SLC7A2: variants seen among roughly 807,000 people sequenced by gnomAD.
SLC7A2 encodes solute carrier family 7 member 2.
In SLC7A2, 48 loss-of-function variants were observed where a neutral mutation model predicts 58.9. That is an observed-to-expected ratio of 0.82 (90% CI 0.65 to 1.04). The LOEUF (loss-of-function observed/expected upper bound fraction) is 1.04, where lower values mean the gene tolerates loss of function less well. Ranked by LOEUF, SLC7A2 falls within the 50% of genes least tolerant of loss-of-function variation. SLC7A2 has a pLI of 0.00. For synonymous variants in SLC7A2, 363 were observed against 314.5 expected (o/e 1.15, Z -1.63); for missense variants, 1,029 against 818.8 (o/e 1.26, Z -3.13).
chr8:17,494,118 T>A (rs946776741), upstream of SLC7A2, among the ~76,000 whole-genome samples: 15 of 152,250 alleles, frequency 9.9e-5, no homozygotes, highest in Non-Finnish European at 1.9e-4. Context: ...GATTTTAGCT[T>A]GTCTTCGCTA....
At chr8:17,546,997 A>T (rs776752118) in intron 4 of SLC7A2, among the ~76,000 whole-genome samples, 1 of 152,122 alleles carries the variant, frequency 6.6e-6, no homozygotes, top group Non-Finnish European at 1.5e-5. Context: ...AAAAGGGAAA[A>T]TTTATTTTTC....
chr8:17,554,457 T>G, intron 7 of SLC7A2, 103 bp from the exon 8 acceptor site: 1 of 929,678 alleles, frequency 1.1e-6, no homozygotes, highest in Non-Finnish European at 1.5e-6. Flanking sequence ...GACTTCATAA[T>G]TACAACTGTC....
At chr8:17,550,464 A>C in intron 6 of SLC7A2, 30 bp downstream of exon 6, 1 of 1,604,842 alleles carries the variant, frequency 6.2e-7, no homozygotes, top group Non-Finnish European at 8.5e-7. Context: ...TCAGTGTAGA[A>C]GGAGTGTTCC....
rs1470163872 is a variant in SLC7A2, at chr8:17,538,514, T to A, written c.-22-4804T>A. Among the ~76,000 whole-genome samples, 12 of 152,356 alleles carry A rather than the reference T, an allele frequency of 7.9e-5. No homozygotes were observed. The East Asian group carries it at 2.3e-3, about 29-fold the overall frequency. ...GATAGTCTTTTATCCTACATTATACTTTTGATGAATTTGTAAAGAAATTAA... is the reference window on the plus strand; with the variant it reads ...GATAGTCTTTTATCCTACATTATACATTTGATGAATTTGTAAAGAAATTAA... On this transcript the variant is annotated intron_variant, in intron 2 of 12. Coordinates refer to ENST00000494857, the MANE Select transcript of SLC7A2 (RefSeq NM_001370338.1).
chr8:17,512,980 A>G (rs1800665539), intron 2 of SLC7A2, among the ~76,000 whole-genome samples: 1 of 152,172 alleles, frequency 6.6e-6, no homozygotes, highest in South Asian at 2.1e-4. Flanking sequence ...CGTCTATTTT[A>G]AGGCTGAATA....
chr8:17,551,932 G>A lies in SLC7A2; in HGVS notation c.1001G>A (p.Trp334Ter), dbSNP rs747229582. Residue 334 changes from tryptophan to a stop codon, truncating the protein, a stop_gained, in exon 7 of 13, where the codon TGG becomes TAG. Coordinates refer to ENST00000494857, the MANE Select transcript of SLC7A2 (RefSeq NM_001370338.1). LOFTEE classifies it high-confidence loss of function. Reference sequence around the variant, plus strand: ...CCTGTAGCGTTTGAATATGTGGGATGGGGTCCTGCCAAATATGTCGTCGCA... The same window carrying A: ...CCTGTAGCGTTTGAATATGTGGGATAGGGTCCTGCCAAATATGTCGTCGCA... The part of the protein sequence containing the change: ...PLPVAFEYVG[W>*]GPAKYVVAAG... The A allele has an allele frequency of 1.9e-6, 3 of 1,613,978 alleles. No homozygotes were observed. The Admixed American group carries it at 5.0e-5, about 27-fold the overall frequency.
At chr8:17,563,759 T>G in intron 12 of SLC7A2, 48 bp downstream of exon 12, 1 of 1,142,822 alleles carries the variant, frequency 8.8e-7, no homozygotes, top group Non-Finnish European at 1.3e-6. Flanking sequence ...TGTGCTGTGA[T>G]GAGAGAAACA....
intron 2 of SLC7A2, among the ~76,000 whole-genome samples, chr8:17,532,920 C>G (rs1188327599): frequency 6.6e-6 from 1 of 151,232 alleles, no homozygotes; most frequent in African/African-American, 2.4e-5. Flanking sequence ...CAAAACAAAA[C>G]TTAAACTATA....
chr8:17,562,285 A>C (rs1044853212), intron 11 of SLC7A2, among the ~76,000 whole-genome samples, 175 bp downstream of exon 11: 1 of 140,942 alleles, frequency 7.1e-6, no homozygotes, highest in African/African-American at 2.7e-5. Context: ...GGCTCACTGC[A>C]ACTTTTGCCT....
chr8:17,515,984 T>G (rs1800788418), intron 2 of SLC7A2, among the ~76,000 whole-genome samples: 2 of 152,166 alleles, frequency 1.3e-5, no homozygotes, highest in Non-Finnish European at 2.9e-5. Flanking sequence ...TTATTAGTAG[T>G]TCTGTCTTCT....
intron 2 of SLC7A2, among the ~76,000 whole-genome samples, chr8:17,521,946 T>G (rs1801030700): frequency 6.6e-6 from 1 of 152,160 alleles, no homozygotes; most frequent in Non-Finnish European, 1.5e-5. Context: ...AAAGTTCTTT[T>G]AACAGAGGCT....
intron 2 of SLC7A2, chr8:17,520,645 A>ATT (rs2150687985): frequency 7.6e-6 from 1 of 132,446 alleles, no homozygotes; most frequent in South Asian, 2.1e-4. Flanking sequence ...TGTCTTTAAA[A>ATT]AAAAAAAAAA....
At chr8:17,558,468 A>C in intron 9 of SLC7A2, 71 bp downstream of exon 9, 2 of 946,236 alleles carry the variant, frequency 2.1e-6, no homozygotes, top group Non-Finnish European at 3.3e-6. Flanking sequence ...ATGAGCCCTC[A>C]CTCTCCTGGC....
intron 11 of SLC7A2, 69 bp from the exon 12 acceptor site, chr8:17,563,534 C>G (rs1245389848): frequency 1.1e-6 from 1 of 913,194 alleles, no homozygotes; most frequent in African/African-American, 1.6e-5. Context: ...AATTGCCACC[C>G]TGTTGAAATA....
chr8:17,502,563 G>T (rs533297190), intron 2 of SLC7A2, among the ~76,000 whole-genome samples: 5 of 152,086 alleles, frequency 3.3e-5, no homozygotes, highest in Non-Finnish European at 2.9e-5. Context: ...ATGAAGTTAC[G>T]GAGTTGAGTA....
intron 2 of SLC7A2, among the ~76,000 whole-genome samples, chr8:17,533,727 C>T (rs752328039): frequency 2.0e-4 from 30 of 152,306 alleles, no homozygotes; most frequent in Non-Finnish European, 3.7e-4. Context: ...GTTACTAATC[C>T]AGAGAAAAGT....
Position 17,543,439 on chromosome 8 carries a change from T to G in SLC7A2, c.100T>G (p.Leu34Val). Residue 34 changes from leucine to valine, a missense_variant, in exon 3 of 13, where the codon TTA (leucine) becomes GTA (valine). Physicochemically the swap from Leu to Val is conservative, Grantham distance 32 (BLOSUM62 1). Transcript: ENST00000494857. ...SLEDTKLCRC[L>V]STMDLIALGV... ...AGAAGACACCAAATTATGCCGCTGC[T>G]TATCCACCATGGACCTCATTGCCCT... is the stretch of plus-strand genomic sequence containing the variant. 6.2e-7 allele frequency: 1 copy of G among 1,614,162 alleles called. No homozygotes were observed. Among genetic ancestry groups the G allele is most frequent in the South Asian group, 1.1e-5 (1 of 91,076 alleles).
rs763868224 is a variant in SLC7A2, at chr8:17,558,325, C to T, written c.1226C>T (p.Ala409Val). Residue 409 changes from alanine (A) to valine (V), a missense_variant, in exon 9 of 13, where the codon GCG (alanine) becomes GTG (valine). Coordinates refer to ENST00000494857, the MANE Select transcript of SLC7A2 (RefSeq NM_001370338.1). Reference protein sequence around the residue: ...ALMAFLFDLKALVDMMSIGTL... With the variant: ...ALMAFLFDLKVLVDMMSIGTL... ...ATGGCCTTTCTGTTTGACCTGAAGG[C>T]GCTTGTGGACATGATGTCCATTGGC... 20 of 1,613,252 alleles carry T rather than the reference C, an allele frequency of 1.2e-5. No individual in the cohort carries two copies. Among genetic ancestry groups the T allele is most frequent in the Non-Finnish European group, 1.6e-5 (19 of 1,179,588 alleles).
chr8:17,507,347 CTATT>C (rs61144679), intron 2 of SLC7A2, among the ~76,000 whole-genome samples: 6,012 of 151,862 alleles, frequency 0.04, 133 homozygotes, highest in Middle Eastern at 0.068. Context: ...AAGCTGGAAA[CTATT>C]TAAATGTGTG....
Sources: allele counts gnomAD v4.1 joint callset (sites outside exome capture counted in the v4.1 genomes callset), GRCh38; gene constraint gnomAD v4.1.1; transcripts MANE v1.5; gene names NCBI Gene and HGNC (gene_info 2026-07-23, HGNC 2026-07-21).